EIF2AK2: variants seen among roughly 807,000 people sequenced by gnomAD.
EIF2AK2 encodes the protein eukaryotic translation initiation factor 2 alpha kinase 2, also known as interferon-induced, double-stranded RNA-activated protein kinase.
Under a neutral mutation model 70.5 loss-of-function variants are expected in EIF2AK2, and 40 were observed. The ratio of observed to expected loss-of-function variants is 0.57; its 90% confidence interval spans 0.44 to 0.74. EIF2AK2 has a LOEUF of 0.74. Among genes scored for constraint, EIF2AK2 ranks in the 30% least tolerant of loss-of-function variants. The probability of loss-of-function intolerance (pLI) is 0.00; values close to 1 mark genes in which losing one functional copy is unlikely to be tolerated. For synonymous variants in EIF2AK2, 198 were observed against 220.9 expected, an observed-to-expected ratio of 0.90 and a Z score of 0.92; for missense variants, 555 against 644.3, an observed-to-expected ratio of 0.86 and a Z score of 1.50.
chr2:37,111,861 C>CA lies in EIF2AK2; in HGVS notation c.1378-2567dup, dbSNP rs1196685884. ...CTGGGTGAAAAGCAAGACCCTGTCT[C>CA]AAAAAAAAAAAAAAAAAATATATAT... On this transcript the variant is annotated intron_variant, in intron 14 of 16. Transcript: ENST00000233057. Among the ~76,000 whole-genome samples, 53 of 32,062 alleles carry CA rather than the reference C, an allele frequency of 1.7e-3. 1 individual carries two copies. Among genetic ancestry groups the CA allele is most frequent in the Admixed American group, 2.5e-3 (4 of 1,622 alleles). The allele number at this position is 32,062 out of a possible 152,430, so 21.0% of individuals were successfully genotyped here. A position where few individuals can be genotyped will look rare whatever the true frequency, so the allele number is the denominator to read the frequency against.
chr2:37,142,065 C>T (rs1005586930), intron 4 of EIF2AK2, among the ~76,000 whole-genome samples: 1 of 152,110 alleles, frequency 6.6e-6, no homozygotes, highest in African/African-American at 2.4e-5. Context: ...ATAATAGCAT[C>T]ATTTCTACTA....
intron 1 of EIF2AK2, among the ~76,000 whole-genome samples, chr2:37,153,544 G>C (rs1675820278): frequency 2.0e-5 from 3 of 151,698 alleles, no homozygotes. Flanking sequence ...CTGTAAATTT[G>C]CCTGTTCTAG....
At chr2:37,143,782 G>A (rs1177761247) in intron 4 of EIF2AK2, among the ~76,000 whole-genome samples, 1 of 152,034 alleles carries the variant, frequency 6.6e-6, no homozygotes, top group Non-Finnish European at 1.5e-5. Context: ...CAGTTGGGAT[G>A]CTAAGGTGGG....
intron 15 of EIF2AK2, among the ~76,000 whole-genome samples, chr2:37,108,648 C>A (rs935669438): frequency 6.6e-6 from 1 of 152,190 alleles, no homozygotes; most frequent in Admixed American, 6.5e-5. Flanking sequence ...TGGCTCACTG[C>A]AACCTCCGCC....
intron 14 of EIF2AK2, chr2:37,109,537 G>A (rs898630539): frequency 2.5e-6 from 1 of 405,532 alleles, no homozygotes; most frequent in Non-Finnish European, 4.5e-6. Context: ...GATAACAACA[G>A]TATCAACCAC....
rs1295345411 is a variant in EIF2AK2, at chr2:37,105,343, T to TG, written c.*1929dup. 1 of 151,966 alleles carries TG rather than the reference T, an allele frequency of 6.6e-6. No individual in the cohort carries two copies. The highest frequency in any genetic ancestry group is 1.9e-4 in the East Asian group (1 of 5,170). 9.4% of individuals were successfully genotyped at this position (151,966 alleles called of 1,614,324 possible). ...CTCATGAATACATTAATGCCGTCCC[T>TG]GGGGGTGGGGTGTGCTGGGGAGGAG... On this transcript the variant is annotated 3_prime_UTR_variant, in exon 17 of 17. Transcript: ENST00000233057.
At chr2:37,138,157 G>T (rs1675193480) in intron 8 of EIF2AK2, 113 bp downstream of exon 8, 1 of 710,350 alleles carries the variant, frequency 1.4e-6, no homozygotes. Context: ...TTTAGTAAGA[G>T]TGCATAAGAT....
chr2:37,114,856 T>C lies in EIF2AK2; in HGVS notation c.1252A>G (p.Ser418Gly). The C allele has an allele frequency of 6.4e-7, 1 of 1,562,038 alleles. No homozygotes were observed. Among genetic ancestry groups the C allele is most frequent in the Non-Finnish European group, 8.6e-7 (1 of 1,158,692 alleles). ...TTTGTATCTACTAAGAATATATTAC[T>C]TGGCTATGAAAAAAAAAAATTTAAC... is the stretch of plus-strand genomic sequence containing the variant. Reference protein sequence around the residue: ...KKLIHRDLKPSNIFLVDTKQV... With the variant: ...KKLIHRDLKPGNIFLVDTKQV... Residue 418 changes from serine (S) to glycine (G), a missense_variant, in exon 14 of 17, where the codon AGT becomes GGT. Ser to Gly is a moderately conservative substitution (Grantham distance 56). This residue lies in a region of EIF2AK2 where 299 missense variants were observed against 375.4 expected (regional missense o/e 0.80). Transcript: ENST00000233057.
intron 1 of EIF2AK2, among the ~76,000 whole-genome samples, chr2:37,152,673 A>G (rs531772841): frequency 6.6e-6 from 1 of 152,120 alleles, no homozygotes; most frequent in Non-Finnish European, 1.5e-5. Flanking sequence ...CTTTCTCCTT[A>G]AGGTGATTTC....
At chr2:37,150,912 A>G (rs1675718666) in intron 1 of EIF2AK2, among the ~76,000 whole-genome samples, 1 of 152,192 alleles carries the variant, frequency 6.6e-6, no homozygotes, top group Admixed American at 6.5e-5. Context: ...GTCTCACTGG[A>G]CCAAGTCTAT....
Position 37,105,102 on chromosome 2 carries a change from C to T in EIF2AK2, c.*2171G>A, listed in dbSNP as rs1025697525. The T allele has an allele frequency of 2.6e-5, 4 of 152,310 alleles. No homozygotes were observed. The East Asian group carries it at 7.7e-4, about 29-fold the overall frequency. The allele number at this position is 152,310 out of a possible 1,614,324, so 9.4% of individuals were successfully genotyped here. ...TGCTCTTTATGAACACTTTTTAAAG[C>T]CTTTATAAAACTATTTTCTCTTACT... On this transcript the variant is annotated 3_prime_UTR_variant, in exon 17 of 17. Transcript: ENST00000233057.
chr2:37,139,522 T>C, intron 6 of EIF2AK2, 109 bp downstream of exon 6: 1 of 1,451,226 alleles, frequency 6.9e-7, no homozygotes, highest in South Asian at 1.3e-5. Flanking sequence ...GGAGGAATCA[T>C]TTTGCTAAAT....
At position 37,103,048 on chromosome 2, in the gene EIF2AK2, C is replaced by T. The variant is rs543619463; in HGVS notation, c.*4225G>A. The stretch of plus-strand genomic sequence containing the variant: ...GTGCATTTTAATTAGCAAATAAGGT[C>T]CCAGGCTCTTGCCCCTGTCCTCCTC... On this transcript the variant is annotated 3_prime_UTR_variant, in exon 17 of 17. Transcript: ENST00000233057. 2 of 151,578 alleles carry T rather than the reference C, an allele frequency of 1.3e-5. No homozygotes were observed. The highest frequency in any genetic ancestry group is 2.9e-5 in the Non-Finnish European group (2 of 67,908). 9.4% of individuals were successfully genotyped at this position (151,578 alleles called of 1,614,324 possible). A position where few individuals can be genotyped will look rare whatever the true frequency, so the allele number is the denominator to read the frequency against.
chr2:37,136,825 C>G (rs4648196), intron 9 of EIF2AK2, 158 bp downstream of exon 9: 26,267 of 610,732 alleles, frequency 0.043, 668 homozygotes, highest in South Asian at 0.056. Flanking sequence ...AAAGATTTCT[C>G]GACACATCTA....
chr2:37,139,498 G>T, intron 6 of EIF2AK2, 133 bp downstream of exon 6: 1 of 1,298,330 alleles, frequency 7.7e-7, no homozygotes, highest in South Asian at 1.4e-5. Context: ...TGGCTCATCG[G>T]TACGACACAG....
intron 1 of EIF2AK2, among the ~76,000 whole-genome samples, chr2:37,153,337 CTTTTTTTTTT>C (rs1553340565): frequency 2.7e-5 from 3 of 109,892 alleles, no homozygotes; most frequent in East Asian, 3.3e-4. Flanking sequence ...CTCTGCTAAT[CTTTTTTTTTT>C]TTTTTTTTTT....
intron 6 of EIF2AK2, 148 bp from the exon 7 acceptor site, chr2:37,138,733 A>C (rs1302011797): frequency 4.7e-5 from 32 of 679,504 alleles, no homozygotes; most frequent in Non-Finnish European, 7.1e-5. Flanking sequence ...CATTTTTTGG[A>C]TGTTTGGTCT....
At chr2:37,137,262 G>T (rs187100293) in intron 8 of EIF2AK2, among the ~76,000 whole-genome samples, 6 of 152,224 alleles carry the variant, frequency 3.9e-5, no homozygotes, top group Non-Finnish European at 7.4e-5. Flanking sequence ...TAGTAAAGCA[G>T]CTTTTAATAT....
chr2:37,152,878 A>C (rs1675795021), intron 1 of EIF2AK2, among the ~76,000 whole-genome samples: 1 of 152,356 alleles, frequency 6.6e-6, no homozygotes, highest in South Asian at 2.1e-4. Context: ...TTCCTTTCAC[A>C]GGAAATGAGT....
Sources: allele counts gnomAD v4.1 joint callset (sites outside exome capture counted in the v4.1 genomes callset), GRCh38; gene constraint gnomAD v4.1.1; regional missense constraint gnomAD v4.1.1; transcripts MANE v1.5; gene names NCBI Gene and HGNC (gene_info 2026-07-23, HGNC 2026-07-21).